PTPRQ: variants seen among roughly 807,000 people sequenced by gnomAD.
PTPRQ encodes the protein protein tyrosine phosphatase receptor type Q, also known as phosphatidylinositol phosphatase PTPRQ.
PTPRQ carries 199 observed loss-of-function variants against 246.0 expected under a neutral mutation model. The observed-to-expected ratio is 0.81, with a 90% CI of 0.72 to 0.91. PTPRQ has a LOEUF of 0.91. Ranked by LOEUF, PTPRQ falls within the 40% of genes least tolerant of loss-of-function variation. The pLI is 0.00. For synonymous variants in PTPRQ, 869 were observed against 853.2 expected, an observed-to-expected ratio of 1.02 and a Z score of -0.32; for missense variants, 2,624 against 2,528.4, an observed-to-expected ratio of 1.04 and a Z score of -0.81.
intron 35 of PTPRQ, among the ~76,000 whole-genome samples, chr12:80,641,782 C>CCAAACATTCAACA (rs1281308278): frequency 1.3e-5 from 2 of 152,202 alleles, no homozygotes; most frequent in Non-Finnish European, 2.9e-5. Context: ...GGTTGAGCAA[C>CCAAACATTCAACA]TCTGCTGAAT....
intron 34 of PTPRQ, among the ~76,000 whole-genome samples, chr12:80,634,372 C>G (rs1899560553): frequency 6.6e-6 from 1 of 152,090 alleles, no homozygotes; most frequent in Non-Finnish European, 1.5e-5. Context: ...TGATTTGATT[C>G]TCAGATTCAT....
In PTPRQ at chr12:80,679,865, T is replaced by C. The variant is rs146400704; in HGVS notation, c.*842T>C. ...CTGAAGAGTTTCTTCAGCAAAAATG[T>C]ATCAAAAGAGTAATAAAAACACTGT... On this transcript the variant is annotated 3_prime_UTR_variant, in exon 45 of 45. Transcript: ENST00000644991. The C allele has an allele frequency of 6.6e-6, 1 of 151,932 alleles. No homozygotes were observed. Among genetic ancestry groups the C allele is most frequent in the South Asian group, 2.1e-4 (1 of 4,826 alleles). The allele number at this position is 151,932 out of a possible 1,614,324, so 9.4% of individuals were successfully genotyped here.
intron 8 of PTPRQ, among the ~76,000 whole-genome samples, chr12:80,477,695 C>T (rs1278583426): frequency 2.0e-5 from 3 of 152,160 alleles, no homozygotes; most frequent in East Asian, 1.9e-4. Context: ...CGAAGCAGGG[C>T]GAGGCATTGC....
chr12:80,534,806 T>G, intron 18 of PTPRQ, 86 bp from the exon 19 acceptor site: 2 of 1,432,312 alleles, frequency 1.4e-6, no homozygotes, highest in Non-Finnish European at 9.2e-7. Flanking sequence ...TCACTTTAAT[T>G]TATAAACTGT....
intron 39 of PTPRQ, among the ~76,000 whole-genome samples, chr12:80,664,658 AT>A (rs1370485353): frequency 6.6e-6 from 1 of 151,988 alleles, no homozygotes; most frequent in African/African-American, 2.4e-5. Context: ...AACACTTACT[AT>A]CTTCAATTCC....
intron 14 of PTPRQ, among the ~76,000 whole-genome samples, chr12:80,498,992 G>C (rs543534467): frequency 6.6e-6 from 1 of 152,080 alleles, no homozygotes; most frequent in East Asian, 1.9e-4. Context: ...TTGAGATTTA[G>C]TTTAAAATGA....
chr12:80,572,635 T>C (rs1045318553), intron 25 of PTPRQ, among the ~76,000 whole-genome samples: 1 of 152,178 alleles, frequency 6.6e-6, no homozygotes, highest in East Asian at 1.9e-4. Flanking sequence ...TTATATGATA[T>C]TGGCTGTAGA....
chr12:80,589,357 G>A (rs181384776), intron 26 of PTPRQ, among the ~76,000 whole-genome samples: 1 of 152,172 alleles, frequency 6.6e-6, no homozygotes, highest in Non-Finnish European at 1.5e-5. Flanking sequence ...GGTTTGCCAG[G>A]CCACCCATCC....
chr12:80,640,327 T>C (rs1053684920), intron 35 of PTPRQ, among the ~76,000 whole-genome samples: 4 of 152,212 alleles, frequency 2.6e-5, no homozygotes, highest in African/African-American at 9.7e-5. Context: ...TTTTGACTGA[T>C]ATATGAAATT....
intron 16 of PTPRQ, among the ~76,000 whole-genome samples, chr12:80,509,872 G>A (rs1895074209): frequency 6.6e-6 from 1 of 152,040 alleles, no homozygotes; most frequent in Admixed American, 6.6e-5. Flanking sequence ...TGTGAGGTCA[G>A]TCATTTTAAC....
Position 80,620,292 on chromosome 12 carries a change from T to A in PTPRQ, c.5528T>A (p.Ile1843Asn). 5 of 1,549,520 alleles carry A rather than the reference T, an allele frequency of 3.2e-6. No individual in the cohort carries two copies. Among genetic ancestry groups the A allele is most frequent in the Non-Finnish European group, 4.4e-6 (5 of 1,145,586 alleles). Residue 1843 changes from isoleucine (I) to asparagine (N), a missense_variant, in exon 32 of 45, where the codon ATC becomes AAC. Coordinates refer to ENST00000644991, the MANE Select transcript of PTPRQ (RefSeq NM_001145026.2). ...TKFSGNEEIY[I>N]IGADNACMIP... is the part of the protein sequence containing the mutation. ...TTTAGTGGCAATGAAGAAATCTACA[T>A]CATAGGTGCTGATAATGCATGCATG... is the stretch of plus-strand genomic sequence containing the variant.
intron 29 of PTPRQ, 74 bp from the exon 30 acceptor site, chr12:80,616,126 T>C (rs1898748707): frequency 4.1e-6 from 4 of 986,112 alleles, no homozygotes; most frequent in Non-Finnish European, 5.3e-6. Flanking sequence ...TATAGATACA[T>C]GCATATATAT....
At chr12:80,521,512 T>G (rs1895485599) in intron 17 of PTPRQ, among the ~76,000 whole-genome samples, 1 of 152,242 alleles carries the variant, frequency 6.6e-6, no homozygotes, top group African/African-American at 2.4e-5. Context: ...CATTTAAGTC[T>G]TTAATCCATC....
intron 30 of PTPRQ, among the ~76,000 whole-genome samples, chr12:80,617,732 T>C (rs1592722115): frequency 6.6e-6 from 1 of 151,542 alleles, no homozygotes; most frequent in South Asian, 2.1e-4. Flanking sequence ...CCTAGAGAAA[T>C]TATGTTTTCT....
At chr12:80,676,842 G>T (rs958511417) in intron 43 of PTPRQ, among the ~76,000 whole-genome samples, 1 of 152,114 alleles carries the variant, frequency 6.6e-6, no homozygotes, top group Non-Finnish European at 1.5e-5. Context: ...CCAGTTTTTT[G>T]TCGGGCATTT....
chr12:80,515,361 G>A (rs979665428), intron 17 of PTPRQ, among the ~76,000 whole-genome samples: 1 of 151,894 alleles, frequency 6.6e-6, no homozygotes, highest in Non-Finnish European at 1.5e-5. Context: ...ATTCTCAGTT[G>A]CCATTATTTC....
At chr12:80,661,272 TA>T (rs1253723331) in intron 39 of PTPRQ, among the ~76,000 whole-genome samples, 1 of 148,988 alleles carries the variant, frequency 6.7e-6, no homozygotes, top group Non-Finnish European at 1.5e-5. Context: ...TATATGTGTA[TA>T]TACAGTTATA....
intron 2 of PTPRQ, 37 bp from the exon 3 acceptor site, chr12:80,445,454 A>G: frequency 7.9e-7 from 1 of 1,268,640 alleles, no homozygotes; most frequent in East Asian, 2.5e-5. Context: ...TGCAATAATT[A>G]TTTGACCTTT....
At chr12:80,589,861 G>GT (rs1897735948) in intron 26 of PTPRQ, among the ~76,000 whole-genome samples, 2 of 152,106 alleles carry the variant, frequency 1.3e-5, no homozygotes, top group African/African-American at 4.8e-5. Flanking sequence ...GCAAATAATT[G>GT]TTTTTTAACT....
Sources: allele counts gnomAD v4.1 joint callset (sites outside exome capture counted in the v4.1 genomes callset), GRCh38; gene constraint gnomAD v4.1.1; transcripts MANE v1.5; gene names NCBI Gene and HGNC (gene_info 2026-07-23, HGNC 2026-07-21).